The following ACP3 variants were observed in gnomAD, a reference collection of about 807,000 sequenced individuals.
ACP3 encodes the protein acid phosphatase 3.
A neutral mutation model predicts 45.6 loss-of-function variants in ACP3; 38 were observed. That is an observed-to-expected ratio of 0.83 (90% CI 0.64 to 1.09). The LOEUF (loss-of-function observed/expected upper bound fraction) is 1.09. ACP3 is among the 50% of genes least tolerant of loss of function. The probability of loss-of-function intolerance (pLI) is 0.00; values close to 1 mark genes in which losing one functional copy is unlikely to be tolerated. For synonymous variants in ACP3, 162 were observed against 164.7 expected, an observed-to-expected ratio of 0.98 and a Z score of 0.13; for missense variants, 466 against 463.2, an observed-to-expected ratio of 1.01 and a Z score of -0.05.
intron 5 of ACP3, 38 bp from the exon 6 acceptor site, chr3:132,342,514 C>A (rs756778002): frequency 4.5e-5 from 64 of 1,407,928 alleles, no homozygotes; most frequent in Non-Finnish European, 6.0e-5. Context: ...AGCTGAGAAA[C>A]CTGTGTAGGA....
At chr3:132,342,731 A>G in intron 6 of ACP3, 87 bp downstream of exon 6, 1 of 803,098 alleles carries the variant, frequency 1.2e-6, no homozygotes, top group South Asian at 1.8e-5. Flanking sequence ...CTTTTCTTTC[A>G]CTTCTTTATG....
At chr3:132,328,210 C>A in intron 1 of ACP3, 57 bp from the exon 2 acceptor site, 1 of 1,396,084 alleles carries the variant, frequency 7.2e-7, no homozygotes, top group Non-Finnish European at 1.0e-6. Flanking sequence ...TTATAATGAG[C>A]AGAAGCAAAA....
chr3:132,328,789 G>T (rs866400546), intron 2 of ACP3, among the ~76,000 whole-genome samples: 1 of 151,604 alleles, frequency 6.6e-6, no homozygotes, highest in African/African-American at 2.4e-5. Context: ...AAATGTAAGA[G>T]ATGTACATGA....
intron 9 of ACP3, among the ~76,000 whole-genome samples, chr3:132,356,017 C>T (rs1488342638): frequency 6.6e-6 from 1 of 152,194 alleles, no homozygotes; most frequent in Non-Finnish European, 1.5e-5. Flanking sequence ...GCTGGTTTAA[C>T]TCAGGTTAGT....
exon 11 of ACP3, chr3:132,367,712 G>A: frequency 2.5e-6 from 4 of 1,609,482 alleles, no homozygotes; most frequent in Middle Eastern, 3.3e-4. Flanking sequence ...AGTTCTAAAG[G>A]TCATCTTTGC....
chr3:132,319,990 G>A (rs1465210444), intron 1 of ACP3, among the ~76,000 whole-genome samples: 1 of 152,198 alleles, frequency 6.6e-6, no homozygotes, highest in Non-Finnish European at 1.5e-5. Flanking sequence ...ACTAACTGAA[G>A]TGCCTGTGAC....
At chr3:132,362,658 T>C (rs1160535299), downstream of ACP3, among the ~76,000 whole-genome samples, 2 of 152,288 alleles carry the variant, frequency 1.3e-5, no homozygotes, top group South Asian at 4.1e-4. Flanking sequence ...AGAAGGCTTC[T>C]TGGAGGAGTG....
chr3:132,320,804 C>A (rs1179519959), intron 1 of ACP3, among the ~76,000 whole-genome samples: 2 of 152,036 alleles, frequency 1.3e-5, no homozygotes, highest in Non-Finnish European at 1.5e-5. Flanking sequence ...GCGTGTGCCA[C>A]CATGCCTGGC....
chr3:132,332,132 T>C, intron 3 of ACP3, 60 bp from the exon 4 acceptor site: 2 of 1,599,412 alleles, frequency 1.3e-6, no homozygotes, highest in South Asian at 1.1e-5. Context: ...TTGGCAGCTC[T>C]GTAGAAAAAA....
chr3:132,362,329 T>A (rs66497351), downstream of ACP3, among the ~76,000 whole-genome samples: 1 of 152,074 alleles, frequency 6.6e-6, no homozygotes, highest in Non-Finnish European at 1.5e-5. Context: ...TTCATTCCAC[T>A]GTGTCTTGTG....
At chr3:132,346,943 T>C (rs1388048504) in intron 7 of ACP3, among the ~76,000 whole-genome samples, 4 of 152,354 alleles carry the variant, frequency 2.6e-5, no homozygotes, top group Non-Finnish European at 5.9e-5. Context: ...AGACAGGAGT[T>C]GACAGTAGTC....
Position 132,358,434 on chromosome 3 carries a change from C to T in ACP3, c.*1556C>T, listed in dbSNP as rs538486055. The T allele has an allele frequency of 7.9e-5, 100 of 1,272,970 alleles. 2 individuals carry two copies. The Middle Eastern group carries it at 0.012, about 159-fold the overall frequency. 78.9% of individuals were successfully genotyped at this position (1,272,970 alleles called of 1,614,324 possible). ...ACTTACAGGTCCTGCTGAAACTGCC[C>T]ACTCTGCAAGAAGAAATCATGATAT... is the stretch of plus-strand genomic sequence containing the variant. On this transcript the variant is annotated 3_prime_UTR_variant, in exon 10 of 10. Coordinates refer to ENST00000336375, the MANE Select transcript of ACP3 (RefSeq NM_001099.5).
At chr3:132,353,814 T>C (rs1431967628) in intron 9 of ACP3, among the ~76,000 whole-genome samples, 8 of 152,226 alleles carry the variant, frequency 5.3e-5, no homozygotes, top group African/African-American at 1.9e-4. Flanking sequence ...TTTGTAGTCT[T>C]GGATGTAGCT....
At chr3:132,331,238 T>G (rs1292095855) in intron 2 of ACP3, among the ~76,000 whole-genome samples, 1 of 152,228 alleles carries the variant, frequency 6.6e-6, no homozygotes, top group Non-Finnish European at 1.5e-5. Flanking sequence ...AAAGAGACTT[T>G]CAGATTCATC....
At chr3:132,336,545 G>T (rs960573723) in intron 4 of ACP3, among the ~76,000 whole-genome samples, 2 of 152,162 alleles carry the variant, frequency 1.3e-5, no homozygotes, top group African/African-American at 4.8e-5. Context: ...AAGAGGGAAT[G>T]GTTAAAAATG....
intron 2 of ACP3, among the ~76,000 whole-genome samples, chr3:132,330,766 A>T (rs1937385996): frequency 6.6e-6 from 1 of 152,176 alleles, no homozygotes; most frequent in Admixed American, 6.5e-5. Context: ...AGCTCTAGTA[A>T]GGCTCTGGAT....
chr3:132,351,295 C>T (rs1046464377), intron 8 of ACP3, among the ~76,000 whole-genome samples: 4 of 152,020 alleles, frequency 2.6e-5, no homozygotes, highest in East Asian at 1.9e-4. Flanking sequence ...TTGGAGAAGC[C>T]AGGGAGAGAA....
At chr3:132,342,504 A>T (rs1229416433) in intron 5 of ACP3, 48 bp from the exon 6 acceptor site, 10 of 1,309,490 alleles carry the variant, frequency 7.6e-6, no homozygotes, top group Non-Finnish European at 9.8e-6. Context: ...ATAATGCTGA[A>T]GCTGAGAAAC....
chr3:132,325,453 A>G (rs1184133300), intron 1 of ACP3, among the ~76,000 whole-genome samples: 1 of 152,180 alleles, frequency 6.6e-6, no homozygotes, highest in East Asian at 1.9e-4. Flanking sequence ...CACTCTGCTA[A>G]GGTGACCACA....
Sources: allele counts gnomAD v4.1 joint callset (sites outside exome capture counted in the v4.1 genomes callset), GRCh38; gene constraint gnomAD v4.1.1; transcripts MANE v1.5; gene names NCBI Gene and HGNC (gene_info 2026-07-23, HGNC 2026-07-21).